The following DOP1B variants were observed in gnomAD, a reference collection of about 807,000 sequenced individuals.
DOP1B encodes DOP1 leucine zipper like protein B.
In DOP1B, 174 loss-of-function variants were observed where a neutral mutation model predicts 233.5. That is an observed-to-expected ratio of 0.75 (90% CI 0.66 to 0.85). The LOEUF is 0.85. Ranked by LOEUF, DOP1B falls within the 40% of genes least tolerant of loss-of-function variation. DOP1B has a pLI of 0.00. For synonymous variants in DOP1B, 1,190 were observed against 1,185.6 expected, an observed-to-expected ratio of 1.00 and a Z score of -0.08; for missense variants, 2,652 against 2,846.6, an observed-to-expected ratio of 0.93 and a Z score of 1.56.
intron 36 of DOP1B, among the ~76,000 whole-genome samples, 189 bp from the exon 37 acceptor site, chr21:36,293,131 G>A (rs771955521): frequency 6.6e-6 from 1 of 151,490 alleles, no homozygotes; most frequent in Non-Finnish European, 1.5e-5. Context: ...GCTTGAACCC[G>A]GGAGACAGAG....
chr21:36,166,469 TC>T (rs1388020084), intron 2 of DOP1B, among the ~76,000 whole-genome samples: 1 of 151,544 alleles, frequency 6.6e-6, no homozygotes, highest in African/African-American at 2.4e-5. Flanking sequence ...ACGAAACTGG[TC>T]CCTGGTGCCA....
At chr21:36,252,857 A>G (rs1317724258) in intron 22 of DOP1B, among the ~76,000 whole-genome samples, 1 of 152,174 alleles carries the variant, frequency 6.6e-6, no homozygotes, top group Non-Finnish European at 1.5e-5. Flanking sequence ...TCCATGATGA[A>G]GTCCTGCAGG....
chr21:36,263,670 T>A lies in DOP1B; in HGVS notation c.5420+20T>A. ...TCTCAGGTATCATGTCACCACATTG[T>A]CATTGTGTAATATTTTCTCTTGGCA... On this transcript the variant is annotated intron_variant, in intron 25 of 36. Transcript: ENST00000691173. 3 of 1,613,368 alleles carry A rather than the reference T, an allele frequency of 1.9e-6. No homozygotes were observed. The highest frequency in any genetic ancestry group is 2.5e-6 in the Non-Finnish European group (3 of 1,179,260).
At chr21:36,273,467 G>A (rs1159092769) in intron 27 of DOP1B, among the ~76,000 whole-genome samples, 1 of 152,116 alleles carries the variant, frequency 6.6e-6, no homozygotes, top group East Asian at 1.9e-4. Flanking sequence ...GAGAATTTCA[G>A]GTGGGACTTA....
chr21:36,176,097 C>CGTGTGCGTATGTGTGTGTGTGTGTGTGT (rs375729449), intron 2 of DOP1B, among the ~76,000 whole-genome samples: 8 of 141,846 alleles, frequency 5.6e-5, no homozygotes, highest in African/African-American at 1.3e-4. Flanking sequence ...GGTGTGTGTG[C>CGTGTGCGTATGTGTGTGTGTGTGTGTGT]GTGTGTGTGT....
chr21:36,273,812 A>C (rs1299644227), intron 27 of DOP1B, among the ~76,000 whole-genome samples: 2 of 152,192 alleles, frequency 1.3e-5, no homozygotes, highest in Non-Finnish European at 1.5e-5. Context: ...ACAGTGGCTC[A>C]CACCTGTAAT....
chr21:36,244,626 A>T (rs982582121), intron 18 of DOP1B, among the ~76,000 whole-genome samples: 1 of 151,858 alleles, frequency 6.6e-6, no homozygotes, highest in Non-Finnish European at 1.5e-5. Context: ...GGGTTTCACC[A>T]TTTTGGCGAG....
chr21:36,219,653 A>G (rs1436177768), intron 10 of DOP1B, among the ~76,000 whole-genome samples, 161 bp downstream of exon 10: 1 of 152,156 alleles, frequency 6.6e-6, no homozygotes, highest in African/African-American at 2.4e-5. Context: ...AAGTCAGTCC[A>G]TGGGAATTGA....
intron 17 of DOP1B, among the ~76,000 whole-genome samples, chr21:36,239,557 T>C (rs779203933): frequency 6.6e-6 from 1 of 152,150 alleles, no homozygotes; most frequent in African/African-American, 2.4e-5. Flanking sequence ...GGCCTGAGCA[T>C]TGGGATTTTA....
At chr21:36,194,977 A>G (rs1254660418) in intron 2 of DOP1B, among the ~76,000 whole-genome samples, 1 of 152,016 alleles carries the variant, frequency 6.6e-6, no homozygotes, top group Non-Finnish European at 1.5e-5. Context: ...AGGCCAGTGC[A>G]GGTGGATCAA....
At chr21:36,235,431 G>A (rs929031162) in intron 15 of DOP1B, among the ~76,000 whole-genome samples, 1 of 151,918 alleles carries the variant, frequency 6.6e-6, no homozygotes, top group African/African-American at 2.4e-5. Context: ...TTAAACATGT[G>A]AAGGAAGGCC....
intron 6 of DOP1B, 116 bp from the exon 7 acceptor site, chr21:36,211,858 G>C (rs2066501870): frequency 6.7e-7 from 1 of 1,497,152 alleles, no homozygotes; most frequent in Non-Finnish European, 9.2e-7. Flanking sequence ...AATGTGTAAG[G>C]AACCAGCCCA....
chr21:36,293,373 C>G lies in DOP1B; in HGVS notation c.6699C>G (p.Arg2233=). ...ITMKSEFPLL[R]QHSVSSIRQL... is the part of the protein sequence containing the mutation. ...TGAAGAGTGAATTCCCGCTTCTGCGCCAACATTCTGTTTCCAGCATCAGGC... is the reference window on the plus strand; with the variant it reads ...TGAAGAGTGAATTCCCGCTTCTGCGGCAACATTCTGTTTCCAGCATCAGGC... The change falls in exon 37 of 37, where the codon CGC becomes CGG. Residue 2233 remains arginine, a synonymous_variant. Coordinates refer to ENST00000691173, the MANE Select transcript of DOP1B (RefSeq NM_001320714.2). The G allele has an allele frequency of 6.2e-7, 1 of 1,614,194 alleles. No homozygotes were observed. Among genetic ancestry groups the G allele is most frequent in the Middle Eastern group, 1.6e-4 (1 of 6,062 alleles).
intron 2 of DOP1B, chr21:36,168,917 T>A (rs567074491): frequency 1.2e-5 from 6 of 514,118 alleles, no homozygotes; most frequent in South Asian, 1.0e-4. Context: ...ATTAATAATT[T>A]TAAAAAATAA....
At chr21:36,176,620 G>A (rs981899924) in intron 2 of DOP1B, among the ~76,000 whole-genome samples, 1 of 152,160 alleles carries the variant, frequency 6.6e-6, no homozygotes, top group Non-Finnish European at 1.5e-5. Context: ...ATAAGGGCCT[G>A]AATTGCCTTC....
intron 34 of DOP1B, 91 bp downstream of exon 34, chr21:36,288,902 T>C (rs2067520120): frequency 6.9e-7 from 1 of 1,454,886 alleles, no homozygotes; most frequent in African/African-American, 1.4e-5. Flanking sequence ...TGTTAAATGC[T>C]GTTATCTTGA....
In DOP1B at chr21:36,206,037, A is replaced by G. The variant is rs150425497; in HGVS notation, c.492-2678A>G. On this transcript the variant is annotated intron_variant, in intron 4 of 36. Coordinates refer to ENST00000691173, the MANE Select transcript of DOP1B (RefSeq NM_001320714.2). The stretch of plus-strand genomic sequence containing the variant: ...AAAAAAAAAAAGTTTAGAGTTCTGG[A>G]CTGTAAACTGCACACTAATATTGGA... Among the ~76,000 whole-genome samples the G allele has an allele frequency of 1.2e-3, 184 of 151,466 alleles. 2 individuals are homozygous for G. The highest frequency in any genetic ancestry group is 3.8e-4 in the Non-Finnish European group (26 of 67,892).
intron 35 of DOP1B, 120 bp from the exon 36 acceptor site, chr21:36,291,984 A>T: frequency 8.7e-7 from 1 of 1,143,262 alleles, no homozygotes; most frequent in Non-Finnish European, 1.2e-6. Flanking sequence ...ATATAATAAA[A>T]GGCATTGAGT....
At chr21:36,158,450 G>T (rs370641479) in intron 1 of DOP1B, among the ~76,000 whole-genome samples, 1 of 152,138 alleles carries the variant, frequency 6.6e-6, no homozygotes, top group East Asian at 1.9e-4. Context: ...CGAATGGCCT[G>T]ACTTCTAATA....
Sources: allele counts gnomAD v4.1 joint callset (sites outside exome capture counted in the v4.1 genomes callset), GRCh38; gene constraint gnomAD v4.1.1; transcripts MANE v1.5; gene names NCBI Gene and HGNC (gene_info 2026-07-23, HGNC 2026-07-21).